PLIN5: variants seen among roughly 807,000 people sequenced by gnomAD.
PLIN5 encodes the protein perilipin 5.
In PLIN5, 34 loss-of-function variants were observed where a neutral mutation model predicts 32.8. That is an observed-to-expected ratio of 1.04 (90% CI 0.79 to 1.38). The LOEUF (loss-of-function observed/expected upper bound fraction) is 1.38, where lower values mean the gene tolerates loss of function less well. PLIN5 is among the 40% of genes most tolerant of loss of function. The pLI, the probability that PLIN5 is intolerant of heterozygous loss-of-function variation, is 0.00. For missense variants in PLIN5, 712 were observed against 660.5 expected, an observed-to-expected ratio of 1.08 and a Z score of -0.85; for synonymous variants, 309 against 292.9, an observed-to-expected ratio of 1.05 and a Z score of -0.56.
intron 5 of PLIN5, among the ~76,000 whole-genome samples, chr19:4,526,881 A>C (rs1976809725): frequency 1.3e-5 from 2 of 151,962 alleles, no homozygotes; most frequent in African/African-American, 4.8e-5. Context: ...AATTAAAAAA[A>C]TGAATGAAAA....
At chr19:4,532,822 C>T (rs927267259) in intron 2 of PLIN5, 1 of 152,272 alleles carries the variant, frequency 6.6e-6, no homozygotes, top group Non-Finnish European at 1.5e-5. Context: ...GTGCACACCA[C>T]TGTGCCCAGC....
intron 7 of PLIN5, among the ~76,000 whole-genome samples, chr19:4,524,368 A>G (rs1412147860): frequency 6.6e-6 from 1 of 152,210 alleles, no homozygotes; most frequent in Non-Finnish European, 1.5e-5. Flanking sequence ...CCTGGCCAAC[A>G]TGGCGAAACC....
At position 4,529,270 on chromosome 19, in the gene PLIN5, C is replaced by T. The variant is rs1191698142; in HGVS notation, c.340-17G>A. 2 of 1,585,024 alleles carry T rather than the reference C, an allele frequency of 1.3e-6. No individual in the cohort carries two copies. Among genetic ancestry groups the T allele is most frequent in the African/African-American group, 1.3e-5 (1 of 74,086 alleles). ...GGTCACCACCTGGAAGGAAGGGCCC[C>T]CCCACTCCAGGCACCGTGGGACTCC... On this transcript the variant is annotated splice_polypyrimidine_tract_variant and intron_variant, in intron 4 of 7. Coordinates refer to ENST00000381848, the MANE Select transcript of PLIN5 (RefSeq NM_001013706.3).
chr19:4,527,265 C>T (rs28883053), intron 5 of PLIN5, among the ~76,000 whole-genome samples: 26,455 of 151,210 alleles, frequency 0.17, 4,366 homozygotes, highest in African/African-American at 0.44. Context: ...TTAGTAGAGA[C>T]GGGGTTTCAC....
At chr19:4,529,455 T>G (rs1203721876) in intron 4 of PLIN5, 1 of 591,564 alleles carries the variant, frequency 1.7e-6, no homozygotes, top group Non-Finnish European at 3.0e-6. Context: ...GCAATACATA[T>G]GTATACACAC....
At chr19:4,528,955 A>G (rs561232941) in intron 5 of PLIN5, 118 bp downstream of exon 5, 2 of 1,134,888 alleles carry the variant, frequency 1.8e-6, no homozygotes, top group East Asian at 2.6e-5. Context: ...TTTGAGTTGT[A>G]TGTTTCCTGC....
chr19:4,529,006 GATCTGTA>G, intron 5 of PLIN5, 60 bp downstream of exon 5: 3 of 1,527,852 alleles, frequency 2.0e-6, no homozygotes, highest in Non-Finnish European at 2.7e-6. Context: ...AGACCTCTCT[GATCTGTA>G]CCACAGGGGA....
At chr19:4,532,351 C>T (rs937282007) in intron 2 of PLIN5, 2 of 152,564 alleles carry the variant, frequency 1.3e-5, no homozygotes, top group African/African-American at 2.4e-5. Flanking sequence ...GCCACCATAC[C>T]CGTTTTTTTT....
chr19:4,531,737 C>G lies in PLIN5; in HGVS notation c.146G>C (p.Arg49Thr). 6.3e-7 allele frequency: 1 copy of G among 1,599,460 alleles called. No individual in the cohort carries two copies. The stretch of plus-strand genomic sequence containing the variant: ...GCAGGCGGAGCCCAGCAGCGGGTGC[C>G]TGTCCTTGGCTGCACTGTAAACATC... ...VCDVYSAAKD[R>T]HPLLGSACRL... Residue 49 changes from arginine (R) to threonine (T), a missense_variant, in exon 3 of 8, where the codon AGG becomes ACG. Coordinates refer to ENST00000381848, the MANE Select transcript of PLIN5 (RefSeq NM_001013706.3).
chr19:4,531,714 A>G lies in PLIN5; in HGVS notation c.169T>C (p.Cys57Arg). ...CACACGCAGTTCTCAGCCAGGCGGCAGGCGGAGCCCAGCAGCGGGTGCCTG... is the reference window on the plus strand; with the variant it reads ...CACACGCAGTTCTCAGCCAGGCGGCGGGCGGAGCCCAGCAGCGGGTGCCTG... ...KDRHPLLGSACRLAENCVCGL... is the reference protein window; with the variant it reads ...KDRHPLLGSARRLAENCVCGL... The change falls in exon 3 of 8, where the codon TGC becomes CGC. Residue 57 changes from cysteine (C) to arginine (R), a missense_variant. Coordinates refer to ENST00000381848, the MANE Select transcript of PLIN5 (RefSeq NM_001013706.3). The G allele has an allele frequency of 6.3e-7, 1 of 1,586,164 alleles. No homozygotes were observed. The highest frequency in any genetic ancestry group is 8.5e-7 in the Non-Finnish European group (1 of 1,169,802).
At chr19:4,528,331 T>C (rs989476389) in intron 5 of PLIN5, 1 of 152,050 alleles carries the variant, frequency 6.6e-6, no homozygotes, top group African/African-American at 2.4e-5. Flanking sequence ...TCAAAGTAGA[T>C]ATGACATAAA....
chr19:4,529,473 TACATATATAC>T (rs1976851329), intron 4 of PLIN5: 6 of 571,492 alleles, frequency 1.0e-5, no homozygotes, highest in African/African-American at 1.9e-5. Flanking sequence ...CACATACATA[TACATATATAC>T]ACATATACAC....
In PLIN5 at chr19:4,525,224, G is replaced by A. The variant is rs1484595896; in HGVS notation, c.721-148C>T. On this transcript the variant is annotated intron_variant, in intron 6 of 7. Coordinates refer to ENST00000381848, the MANE Select transcript of PLIN5 (RefSeq NM_001013706.3). The surrounding 1 kb of genome is among the most constrained non-coding windows in gnomAD (Gnocchi z 5.6). ...AGGGCCGTGGGGAAGACTTGGGCTT[G>A]GACCCCAAGGGAGGTGGGAGCCATA... 2 of 574,852 alleles carry A rather than the reference G, an allele frequency of 3.5e-6. No individual in the cohort carries two copies. Among genetic ancestry groups the A allele is most frequent in the Non-Finnish European group, 6.1e-6 (2 of 330,496 alleles). The allele number at this position is 574,852 out of a possible 1,614,324, so 35.6% of individuals were successfully genotyped here.
chr19:4,529,435 GC>G, intron 4 of PLIN5, 182 bp from the exon 5 acceptor site: 2 of 619,730 alleles, frequency 3.2e-6, no homozygotes, highest in Non-Finnish European at 5.5e-6. Context: ...GGAGTTAACT[GC>G]CCTTACTAGC....
intron 5 of PLIN5, among the ~76,000 whole-genome samples, chr19:4,527,897 GAT>G (rs1440290200): frequency 1.3e-5 from 2 of 148,494 alleles, no homozygotes; most frequent in African/African-American, 2.5e-5. Context: ...AGAAGTGCCT[GAT>G]CAATGCCTCA....
chr19:4,529,483 C>T, intron 4 of PLIN5: 2 of 548,180 alleles, frequency 3.6e-6, no homozygotes, highest in Non-Finnish European at 3.2e-6. Flanking sequence ...TACATATATA[C>T]ACATATACAC....
chr19:4,525,187 G>C lies in PLIN5; in HGVS notation c.721-111C>G, dbSNP rs1002485751. 2 of 686,476 alleles carry C rather than the reference G, an allele frequency of 2.9e-6. No individual in the cohort carries two copies. Among genetic ancestry groups the C allele is most frequent in the East Asian group, 3.1e-5 (1 of 32,176 alleles). The allele number at this position is 686,476 out of a possible 1,614,324, so 42.5% of individuals were successfully genotyped here. On this transcript the variant is annotated intron_variant, in intron 6 of 7. Coordinates refer to ENST00000381848, the MANE Select transcript of PLIN5 (RefSeq NM_001013706.3). The surrounding 1 kb of genome is among the most constrained non-coding windows in gnomAD (Gnocchi z 5.6). ...CCTCAGTAAGCATTTAGGAGACCGA[G>C]GCAGGTTGTGCAGGGCCGTGGGGAA...
At position 4,529,183 on chromosome 19, in the gene PLIN5, C is replaced by T. The variant is rs770558472; in HGVS notation, c.410G>A (p.Arg137Gln). 9 of 1,612,970 alleles carry T rather than the reference C, an allele frequency of 5.6e-6. No homozygotes were observed. Among genetic ancestry groups the T allele is most frequent in the East Asian group, 2.2e-5 (1 of 44,878 alleles). Residue 137 changes from arginine (R) to glutamine (Q), a missense_variant, in exon 5 of 8, where the codon CGG becomes CAG. Coordinates refer to ENST00000381848, the MANE Select transcript of PLIN5 (RefSeq NM_001013706.3). ...TGVVDLARRG[R>Q]RWSVELKRSV... ...GCGCTTCAGCTCCACGCTCCAGCGC[C>T]GGCCCCTCCGGGCCAGGTCCACCAC...
At position 4,529,798 on chromosome 19, in the gene PLIN5, G is replaced by T; in HGVS notation, c.325C>A (p.Gln109Lys). The T allele has an allele frequency of 1.2e-6, 2 of 1,609,660 alleles. No homozygotes were observed. The highest frequency in any genetic ancestry group is 8.5e-7 in the Non-Finnish European group (1 of 1,177,024). The change falls in exon 4 of 8, where the codon CAA becomes AAA. Residue 109 changes from glutamine to lysine, a missense_variant. Coordinates refer to ENST00000381848, the MANE Select transcript of PLIN5 (RefSeq NM_001013706.3). ...KLEEKLPFLQQPSETVVTSAK... is the reference protein window; with the variant it reads ...KLEEKLPFLQKPSETVVTSAK... ...GTCCGGGGTACCGTCTCCGAAGGTT[G>T]CTGGAGAAAGGGAAGCTTCTCTTCC...
Sources: allele counts gnomAD v4.1 joint callset (sites outside exome capture counted in the v4.1 genomes callset), GRCh38; gene constraint gnomAD v4.1.1; non-coding constraint Gnocchi (gnomAD v3.1); transcripts MANE v1.5; gene names NCBI Gene and HGNC (gene_info 2026-07-23, HGNC 2026-07-21).